HPGDS: variants seen among roughly 807,000 people sequenced by gnomAD.
HPGDS encodes the protein hematopoietic prostaglandin D synthase.
Under a neutral mutation model 23.1 loss-of-function variants are expected in HPGDS, and 26 were observed. That is an observed-to-expected ratio of 1.13 (90% CI 0.83 to 1.56). The LOEUF is 1.56. Ranked by LOEUF, HPGDS falls within the 40% of genes most tolerant of loss-of-function variation. The probability of loss-of-function intolerance (pLI) is 0.00; values close to 1 mark genes in which losing one functional copy is unlikely to be tolerated. For synonymous variants in HPGDS, 95 were observed against 77.9 expected, an observed-to-expected ratio of 1.22 and a Z score of -1.16; for missense variants, 268 against 236.4, an observed-to-expected ratio of 1.13 and a Z score of -0.88.
At chr4:94,309,576 G>A (rs1365281518) in intron 3 of HPGDS, among the ~76,000 whole-genome samples, 1 of 152,038 alleles carries the variant, frequency 6.6e-6, no homozygotes. Flanking sequence ...TGTGAATAGT[G>A]CTGCAATAAA....
intron 3 of HPGDS, among the ~76,000 whole-genome samples, chr4:94,312,374 T>G (rs1473350219): frequency 6.6e-6 from 1 of 152,222 alleles, no homozygotes; most frequent in Non-Finnish European, 1.5e-5. Flanking sequence ...ACATCGTTAT[T>G]TCTGCCTTCA....
intron 2 of HPGDS, among the ~76,000 whole-genome samples, chr4:94,319,464 G>A (rs1756460691): frequency 6.6e-6 from 1 of 152,034 alleles, no homozygotes; most frequent in Admixed American, 6.6e-5. Context: ...TTTTGTTTTT[G>A]ATTCAGCCAC....
intron 3 of HPGDS, among the ~76,000 whole-genome samples, chr4:94,310,376 A>G (rs1318536822): frequency 6.6e-6 from 1 of 152,190 alleles, no homozygotes; most frequent in Non-Finnish European, 1.5e-5. Flanking sequence ...AGCACCATTT[A>G]TTAAATAGGG....
At position 94,299,558 on chromosome 4, in the gene HPGDS, C is replaced by T. The variant is rs1755993796; in HGVS notation, c.522G>A (p.Leu174=). 1 of 1,613,902 alleles carries T rather than the reference C, an allele frequency of 6.2e-7. No individual in the cohort carries two copies. Among genetic ancestry groups the T allele is most frequent in the Admixed American group, 1.7e-5 (1 of 59,988 alleles). Reference sequence around the variant, plus strand: ...CTTGGACTTTCTTCCGTAAAGTCACCAGCCTTGGATGGTTGTCTAACAGGT... The same window carrying T: ...CTTGGACTTTCTTCCGTAAAGTCACTAGCCTTGGATGGTTGTCTAACAGGT... ...KPDLLDNHPR[L]VTLRKKVQAI... The change falls in exon 6 of 6, where the codon CTG becomes CTA. Residue 174 remains leucine, a synonymous_variant. Transcript: ENST00000295256.
intron 3 of HPGDS, among the ~76,000 whole-genome samples, chr4:94,313,372 G>T (rs370581505): frequency 3.9e-5 from 6 of 152,094 alleles, no homozygotes; most frequent in African/African-American, 1.4e-4. Flanking sequence ...GTCTGGAAAG[G>T]ATTTTATTTT....
At chr4:94,310,580 C>A (rs1756244453) in intron 3 of HPGDS, among the ~76,000 whole-genome samples, 1 of 152,162 alleles carries the variant, frequency 6.6e-6, no homozygotes, top group South Asian at 2.1e-4. Flanking sequence ...ATGCTTCCAG[C>A]CTTGTTCTTT....
At chr4:94,309,050 C>CT (rs34427506) in intron 3 of HPGDS, among the ~76,000 whole-genome samples, 6,269 of 31,026 alleles carry the variant, frequency 0.2, 1,983 homozygotes, top group Non-Finnish European at 0.26. Flanking sequence ...GGTGTACTTG[C>CT]TTTTTTTTTT....
At chr4:94,322,635 T>C (rs1369219358) in intron 2 of HPGDS, among the ~76,000 whole-genome samples, 1 of 152,184 alleles carries the variant, frequency 6.6e-6, no homozygotes, top group East Asian at 1.9e-4. Context: ...TCATTGCATC[T>C]ATTTGATTCT....
intron 4 of HPGDS, among the ~76,000 whole-genome samples, chr4:94,307,785 G>A (rs1756166684): frequency 6.6e-6 from 1 of 152,026 alleles, no homozygotes; most frequent in African/African-American, 2.4e-5. Flanking sequence ...GCAAAAGAAA[G>A]CAATTACTAA....
chr4:94,330,145 A>G (rs1274799343), intron 2 of HPGDS, among the ~76,000 whole-genome samples: 1 of 152,228 alleles, frequency 6.6e-6, no homozygotes, highest in Non-Finnish European at 1.5e-5. Context: ...ATAAATGAGC[A>G]CTCAAGGAAG....
intron 4 of HPGDS, among the ~76,000 whole-genome samples, chr4:94,305,084 A>G (rs143785901): frequency 2.6e-5 from 4 of 152,268 alleles, no homozygotes; most frequent in African/African-American, 9.6e-5. Context: ...AAAGTATATA[A>G]CACTATTAAT....
chr4:94,329,503 G>C (rs1756698994), intron 2 of HPGDS, among the ~76,000 whole-genome samples: 1 of 152,158 alleles, frequency 6.6e-6, no homozygotes, highest in Non-Finnish European at 1.5e-5. Flanking sequence ...GATAAAACTA[G>C]CTAAGTGGAA....
At chr4:94,323,519 G>C (rs910913408) in intron 2 of HPGDS, among the ~76,000 whole-genome samples, 6 of 152,064 alleles carry the variant, frequency 3.9e-5, no homozygotes, top group Admixed American at 2.6e-4. Context: ...TTATGTAATG[G>C]CCTTCTTTAT....
chr4:94,312,789 C>T (rs1306152397), intron 3 of HPGDS, among the ~76,000 whole-genome samples: 1 of 152,154 alleles, frequency 6.6e-6, no homozygotes, highest in Non-Finnish European at 1.5e-5. Flanking sequence ...TTGTAGGTCT[C>T]TAAGGACTTG....
chr4:94,325,586 A>G (rs1756614091), intron 2 of HPGDS, among the ~76,000 whole-genome samples: 1 of 152,182 alleles, frequency 6.6e-6, no homozygotes, highest in Non-Finnish European at 1.5e-5. Flanking sequence ...GGACCCACTG[A>G]GCCAGGCGTG....
chr4:94,325,169 A>C (rs1756604097), intron 2 of HPGDS, among the ~76,000 whole-genome samples: 1 of 152,148 alleles, frequency 6.6e-6, no homozygotes, highest in Admixed American at 6.5e-5. Flanking sequence ...TCAGAGGGAC[A>C]CCCAGCTGTA....
At chr4:94,325,335 A>C (rs897195548) in intron 2 of HPGDS, among the ~76,000 whole-genome samples, 26 of 152,278 alleles carry the variant, frequency 1.7e-4, no homozygotes, top group African/African-American at 6.3e-4. Context: ...AGGGACGTTT[A>C]AGTCTGCAGA....
chr4:94,319,252 C>G (rs901310872), intron 2 of HPGDS, among the ~76,000 whole-genome samples: 2 of 152,138 alleles, frequency 1.3e-5, no homozygotes, highest in African/African-American at 2.4e-5. Flanking sequence ...GCTGAATTGA[C>G]CACTTTATTA....
intron 5 of HPGDS, among the ~76,000 whole-genome samples, chr4:94,299,935 C>A (rs994557050): frequency 6.6e-6 from 1 of 152,178 alleles, no homozygotes; most frequent in South Asian, 2.1e-4. Flanking sequence ...CCAGTCTCCA[C>A]CTCTCTGTGA....
Sources: gnomAD v4.1 joint callset for allele counts (sites outside exome capture counted in the v4.1 genomes callset) on GRCh38, gnomAD v4.1.1 for gene constraint, MANE v1.5 for transcripts, NCBI Gene and HGNC (gene_info 2026-07-23, HGNC 2026-07-21) for gene names.